The following SOX5 variants were observed in gnomAD, a reference collection of about 807,000 sequenced individuals.
SOX5 encodes transcription factor SOX-5.
Under a neutral mutation model 92.0 loss-of-function variants are expected in SOX5, and 9 were observed. The ratio of observed to expected loss-of-function variants is 0.10; its 90% CI spans 0.06 to 0.17. The LOEUF (loss-of-function observed/expected upper bound fraction) is 0.17. Among genes scored for constraint, SOX5 ranks in the 10% least tolerant of loss-of-function variants. SOX5 has a pLI of 1.00. For missense variants in SOX5, 642 were observed against 944.5 expected, an observed-to-expected ratio of 0.68 and a Z score of 4.20; for synonymous variants, 344 against 336.3, an observed-to-expected ratio of 1.02 and a Z score of -0.25.
At chr12:23,790,546 T>TCACACACA (rs1235681024) in intron 3 of SOX5, among the ~76,000 whole-genome samples, 13 of 76,052 alleles carry the variant, frequency 1.7e-4, no homozygotes, top group East Asian at 4.5e-4. Context: ...TCTCTCAATC[T>TCACACACA]CTCACACACA....
chr12:24,001,635 C>T (rs1951619366), intron 4 of SOX5, among the ~76,000 whole-genome samples: 1 of 150,924 alleles, frequency 6.6e-6, no homozygotes, highest in African/African-American at 2.4e-5. Context: ...CTAGGCAACA[C>T]AGTGAGACCC....
intron 2 of SOX5, among the ~76,000 whole-genome samples, chr12:24,330,607 C>A (rs1054902073): frequency 6.6e-6 from 1 of 152,198 alleles, no homozygotes; most frequent in Non-Finnish European, 1.5e-5. Context: ...TCTCTATCTA[C>A]CAGGCCCCAC....
intron 3 of SOX5, among the ~76,000 whole-genome samples, chr12:24,269,201 T>C (rs754332526): frequency 1.3e-5 from 2 of 152,176 alleles, no homozygotes; most frequent in South Asian, 2.1e-4. Flanking sequence ...ATTTGATAAA[T>C]AGTTAAAGCA....
At chr12:24,561,500 T>G (rs940783804) in intron 1 of SOX5, among the ~76,000 whole-genome samples, 1 of 152,190 alleles carries the variant, frequency 6.6e-6, no homozygotes, top group East Asian at 1.9e-4. Flanking sequence ...CCAATTTGAT[T>G]TCAACTCGTA....
rs78004917 is a variant in SOX5, at chr12:23,765,992, T to C, written c.482-10268A>G. 7.6e-3 allele frequency among the ~76,000 whole-genome samples: 1,162 copies of C among 152,254 alleles called. 21 individuals are homozygous for C. The highest frequency in any genetic ancestry group is 0.026 in the African/African-American group (1,071 of 41,552). ...TCACTAAAACCATTTATTCAAATTGTTATAGTGTCACTGAGTTGTTTTCCA... is the reference window on the plus strand; with the variant it reads ...TCACTAAAACCATTTATTCAAATTGCTATAGTGTCACTGAGTTGTTTTCCA... On this transcript the variant is annotated intron_variant, in intron 3 of 14. Coordinates refer to ENST00000451604, the MANE Select transcript of SOX5 (RefSeq NM_006940.6).
At chr12:24,017,366 A>G (rs896571328) in intron 4 of SOX5, among the ~76,000 whole-genome samples, 1 of 152,104 alleles carries the variant, frequency 6.6e-6, no homozygotes, top group South Asian at 2.1e-4. Flanking sequence ...TGGGAGGCTG[A>G]AGTAGGCGGA....
chr12:24,482,448 G>A (rs779932063), intron 1 of SOX5, among the ~76,000 whole-genome samples: 4 of 152,058 alleles, frequency 2.6e-5, no homozygotes, highest in East Asian at 1.9e-4. Flanking sequence ...CAGAAATGGC[G>A]TTTTCCCCAC....
At chr12:24,182,771 TG>T (rs1389641101) in intron 4 of SOX5, among the ~76,000 whole-genome samples, 7 of 152,228 alleles carry the variant, frequency 4.6e-5, no homozygotes, top group Admixed American at 1.3e-4. Context: ...TGGAGTGCAG[TG>T]GCACGACCTC....
intron 2 of SOX5, among the ~76,000 whole-genome samples, chr12:24,291,958 G>A (rs1175963532): frequency 6.6e-6 from 1 of 152,190 alleles, no homozygotes; most frequent in African/African-American, 2.4e-5. Flanking sequence ...GGAGGTGGAA[G>A]TAACAATAAC....
At chr12:24,482,149 G>A (rs1481812202) in intron 1 of SOX5, among the ~76,000 whole-genome samples, 1 of 152,100 alleles carries the variant, frequency 6.6e-6, no homozygotes, top group Non-Finnish European at 1.5e-5. Context: ...AAGGCAACAG[G>A]AGAAGTAGCT....
intron 9 of SOX5, among the ~76,000 whole-genome samples, chr12:23,590,800 T>C (rs1951429631): frequency 6.6e-6 from 1 of 152,032 alleles, no homozygotes; most frequent in African/African-American, 2.4e-5. Context: ...TGAATAACAG[T>C]CATTACATGA....
Position 23,895,818 on chromosome 12 carries a change from G to C in SOX5, c.245C>G (p.Thr82Ser). ...LLTQETCGHR[T>S]PTSQHNTMEV... ...CATTGTATTGTGCTGAGAAGTGGGA[G>C]TCCTATGGCCACAAGTCTCTTGCGT... The change falls in exon 2 of 15, where the codon ACT becomes AGT. Residue 82 changes from threonine to serine, a missense_variant. Coordinates refer to ENST00000451604, the MANE Select transcript of SOX5 (RefSeq NM_006940.6). 1 of 1,613,244 alleles carries C rather than the reference G, an allele frequency of 6.2e-7. No individual in the cohort carries two copies. The highest frequency in any genetic ancestry group is 8.5e-7 in the Non-Finnish European group (1 of 1,179,188).
chr12:24,059,851 C>T (rs1179087489), intron 4 of SOX5, among the ~76,000 whole-genome samples: 1 of 152,202 alleles, frequency 6.6e-6, no homozygotes, highest in Non-Finnish European at 1.5e-5. Context: ...GTGAAGGATA[C>T]TGTGGGAGAA....
At chr12:24,515,507 G>C (rs1949701705) in intron 1 of SOX5, among the ~76,000 whole-genome samples, 1 of 152,102 alleles carries the variant, frequency 6.6e-6, no homozygotes, top group Non-Finnish European at 1.5e-5. Flanking sequence ...TTCTACCATA[G>C]CGTTTTCTCA....
intron 3 of SOX5, among the ~76,000 whole-genome samples, chr12:24,276,069 A>G (rs930489593): frequency 3.9e-5 from 6 of 152,112 alleles, no homozygotes; most frequent in African/African-American, 1.4e-4. Flanking sequence ...TAGAAGCAGT[A>G]GTCTCAGTTT....
chr12:23,905,036 A>G (rs1201870450), intron 1 of SOX5, among the ~76,000 whole-genome samples: 2 of 152,216 alleles, frequency 1.3e-5, no homozygotes, highest in African/African-American at 4.8e-5. Flanking sequence ...TAAATAAGGA[A>G]AGGCTCAGAA....
At chr12:24,005,871 T>C (rs1057231993) in intron 4 of SOX5, among the ~76,000 whole-genome samples, 1 of 152,322 alleles carries the variant, frequency 6.6e-6, no homozygotes, top group African/African-American at 2.4e-5. Flanking sequence ...AGCTATACCA[T>C]ATATTTTCCG....
At chr12:24,008,365 C>T (rs921607549) in intron 4 of SOX5, among the ~76,000 whole-genome samples, 1 of 152,052 alleles carries the variant, frequency 6.6e-6, no homozygotes, top group Non-Finnish European at 1.5e-5. Flanking sequence ...TTCTGCAACG[C>T]TGGAAATATG....
intron 3 of SOX5, among the ~76,000 whole-genome samples, chr12:24,274,754 A>C (rs902514430): frequency 1.3e-5 from 2 of 152,052 alleles, no homozygotes; most frequent in African/African-American, 4.8e-5. Context: ...CTCATCTTAG[A>C]GTTAGATTCT....
Sources: allele counts gnomAD v4.1 joint callset (sites outside exome capture counted in the v4.1 genomes callset), GRCh38; gene constraint gnomAD v4.1.1; transcripts MANE v1.5; gene names NCBI Gene and HGNC (gene_info 2026-07-23, HGNC 2026-07-21).